Variants in USP54 observed in about 807,000 individuals in gnomAD.
The protein encoded by USP54 is ubiquitin carboxyl-terminal hydrolase 54.
In USP54, 87 loss-of-function variants were observed where a neutral mutation model predicts 170.5. The observed-to-expected ratio is 0.51, with a 90% confidence interval of 0.43 to 0.61. USP54 has a LOEUF of 0.61. Among genes scored for constraint, USP54 ranks in the 20% least tolerant of loss-of-function variants. The pLI is 0.00. For missense variants in USP54, 1,786 were observed against 2,047.8 expected (o/e 0.87, Z 2.47); for synonymous variants, 655 against 742.8 (o/e 0.88, Z 1.92).
intron 18 of USP54, chr10:73,520,197 A>G (rs2061684003): frequency 9.0e-6 from 6 of 664,424 alleles, no homozygotes; most frequent in South Asian, 2.0e-5. Flanking sequence ...CATGGAGGCC[A>G]AACAGGTTAA....
chr10:73,621,785 T>G (rs2081116438), intron 1 of USP54, among the ~76,000 whole-genome samples: 1 of 152,182 alleles, frequency 6.6e-6, no homozygotes, highest in Non-Finnish European at 1.5e-5. Context: ...CATAGCTCCC[T>G]ATACAATTAT....
chr10:73,616,245 G>A (rs571263891), intron 1 of USP54, among the ~76,000 whole-genome samples: 1 of 146,292 alleles, frequency 6.8e-6, no homozygotes, highest in East Asian at 2.0e-4. Context: ...GGCTGAGGCA[G>A]GAGAACTGCT....
chr10:73,601,748 G>A (rs754202833), intron 1 of USP54, among the ~76,000 whole-genome samples: 16 of 152,156 alleles, frequency 1.1e-4, no homozygotes, highest in Admixed American at 7.2e-4. Flanking sequence ...CTTTGCCAGA[G>A]CCAAAGTAAG....
Position 73,516,983 on chromosome 10 carries a change from G to A in USP54, c.3443C>T (p.Thr1148Ile). 2 of 1,614,192 alleles carry A rather than the reference G, an allele frequency of 1.2e-6. No individual in the cohort carries two copies. The highest frequency in any genetic ancestry group is 1.1e-5 in the South Asian group (1 of 91,086). Residue 1148 changes from threonine (T) to isoleucine (I), a missense_variant, in exon 20 of 24, where the codon ACA (threonine) becomes ATA (isoleucine). Around this residue, in one of 3 missense-constraint regions of USP54, gnomAD observed 1,418 missense variants for 1,569.0 expected, o/e 0.90. Coordinates refer to ENST00000687698, the MANE Select transcript of USP54 (RefSeq NM_001391956.1). Reference sequence around the variant, plus strand: ...TGACAAACTTCTATCCTTGAAACCTGTACTATCCCTCATGGAGACACCCTG... The same window carrying A: ...TGACAAACTTCTATCCTTGAAACCTATACTATCCCTCATGGAGACACCCTG... ...RMQGVSMRDSTGFKDRSLSGS... is the reference protein window; with the variant it reads ...RMQGVSMRDSIGFKDRSLSGS...
rs2067665693 is a variant in USP54, at chr10:73,545,815, T to C, written c.241-143A>G. ...CATGGGTTGACATGCTTGCAGTTAG[T>C]AATTAAAAATAAAATCAAGAGTCAG... is the stretch of plus-strand genomic sequence containing the variant. On this transcript the variant is annotated intron_variant, in intron 4 of 23. Coordinates refer to ENST00000687698, the MANE Select transcript of USP54 (RefSeq NM_001391956.1). 3.4e-6 allele frequency: 3 copies of C among 878,700 alleles called. No homozygotes were observed. In the East Asian group the frequency reaches 8.1e-5, roughly 24 times the overall value. The allele number at this position is 878,700 out of a possible 1,614,324, so 54.4% of individuals were successfully genotyped here. A position where few individuals can be genotyped will look rare whatever the true frequency, so the allele number is the denominator to read the frequency against.
At chr10:73,508,910 C>T (rs977667422) in intron 20 of USP54, among the ~76,000 whole-genome samples, 8 of 151,536 alleles carry the variant, frequency 5.3e-5, no homozygotes, top group African/African-American at 1.7e-4. Flanking sequence ...TCGTGATCTG[C>T]CCACCTTGGC....
chr10:73,506,552 G>C (rs921155543), intron 20 of USP54: 4 of 151,910 alleles, frequency 2.6e-5, no homozygotes, highest in Admixed American at 2.6e-4. Context: ...ATATATATCT[G>C]GCTGAAGCTG....
chr10:73,526,779 C>T lies in USP54; in HGVS notation c.2062G>A (p.Asp688Asn), dbSNP rs773132377. Residue 688 changes from aspartate to asparagine, a missense_variant and splice_region_variant, in exon 16 of 24, where the codon GAT (aspartate) becomes AAT (asparagine). Transcript: ENST00000687698. ...ALPESSNVYR[D>N]PSAKRSAGLV... ...CCAGCTGATCTCTTAGCACTTGGATCCCTTCAAAAGAGAACTCAGAGTCTA... is the reference window on the plus strand; with the variant it reads ...CCAGCTGATCTCTTAGCACTTGGATTCCTTCAAAAGAGAACTCAGAGTCTA... The T allele has an allele frequency of 1.2e-6, 2 of 1,613,786 alleles. No individual in the cohort carries two copies. Among genetic ancestry groups the T allele is most frequent in the African/African-American group, 2.7e-5 (2 of 74,888 alleles).
chr10:73,516,318 G>T, intron 20 of USP54, 57 bp downstream of exon 20: 2 of 1,533,262 alleles, frequency 1.3e-6, no homozygotes, highest in Non-Finnish European at 8.8e-7. Flanking sequence ...ATCTTTCCCT[G>T]CTTTCAGCTT....
chr10:73,538,557 G>A (rs1432769868), intron 10 of USP54, among the ~76,000 whole-genome samples: 1 of 152,034 alleles, frequency 6.6e-6, no homozygotes, highest in Non-Finnish European at 1.5e-5. Context: ...GCTCACGCCT[G>A]TAATCCCAAC....
chr10:73,544,900 G>C (rs1171026087), intron 5 of USP54, among the ~76,000 whole-genome samples: 1 of 151,786 alleles, frequency 6.6e-6, no homozygotes, highest in Non-Finnish European at 1.5e-5. Context: ...TTTTAGTAGA[G>C]ATGGGGTTTC....
intron 4 of USP54, among the ~76,000 whole-genome samples, chr10:73,557,878 CTTTTT>C (rs765656681): frequency 1.7e-5 from 2 of 114,986 alleles, no homozygotes; most frequent in Admixed American, 9.2e-5. Context: ...AGCTATTATT[CTTTTT>C]TTTTTTTTTT....
intron 22 of USP54, among the ~76,000 whole-genome samples, chr10:73,501,537 C>G (rs1271119613): frequency 6.6e-6 from 1 of 152,172 alleles, no homozygotes. Flanking sequence ...CCTTGATTTC[C>G]CACTTCCCAT....
chr10:73,523,880 TTTATTATTATTA>T (rs938693499), intron 16 of USP54, 130 bp from the exon 17 acceptor site: 15 of 161,020 alleles, frequency 9.3e-5, no homozygotes, highest in African/African-American at 2.5e-4. Context: ...TTATTTATTA[TTTATTATTATTA>T]TTATTATTAT....
chr10:73,501,396 T>A (rs1376737998), intron 22 of USP54, among the ~76,000 whole-genome samples: 1 of 152,198 alleles, frequency 6.6e-6, no homozygotes, highest in African/African-American at 2.4e-5. Flanking sequence ...ACTTTTATGA[T>A]AAATACCCAG....
At position 73,546,014 on chromosome 10, in the gene USP54, C is replaced by T. The variant is rs567459901; in HGVS notation, c.241-342G>A. 9.2e-5 allele frequency among the ~76,000 whole-genome samples: 14 copies of T among 152,284 alleles called. No homozygotes were observed. In the East Asian group the frequency reaches 2.3e-3, roughly 25 times the overall value. On this transcript the variant is annotated intron_variant, in intron 4 of 23. Transcript: ENST00000687698. ...GTTAGGTAAAAAAAGAAAAATTACA[C>T]GTAAACGTTATCAACAAATTATTTT...
chr10:73,583,779 A>T (rs985190305), intron 1 of USP54, among the ~76,000 whole-genome samples: 16 of 152,070 alleles, frequency 1.1e-4, no homozygotes, highest in South Asian at 8.3e-4. Context: ...ATTACAATTT[A>T]AAAAAACTGA....
intron 1 of USP54, among the ~76,000 whole-genome samples, chr10:73,583,798 A>G (rs553041945): frequency 6.6e-6 from 1 of 152,250 alleles, no homozygotes; most frequent in South Asian, 2.1e-4. Flanking sequence ...GAAAATAAAA[A>G]AGGAAAAATA....
At chr10:73,526,822 G>A (rs2133367006) in intron 15 of USP54, 42 bp from the exon 16 acceptor site, 2 of 1,600,664 alleles carry the variant, frequency 1.2e-6, no homozygotes, top group South Asian at 1.1e-5. Context: ...CATGAAAGCA[G>A]GTTATAGCAA....
Sources: gnomAD v4.1 joint callset for allele counts (sites outside exome capture counted in the v4.1 genomes callset) on GRCh38, gnomAD v4.1.1 for gene constraint, gnomAD v4.1.1 regional missense constraint, MANE v1.5 for transcripts, NCBI Gene and HGNC (gene_info 2026-07-23, HGNC 2026-07-21) for gene names.